Variants in SYN3 observed in about 807,000 individuals in gnomAD.
SYN3 encodes synapsin III.
In SYN3, 35 loss-of-function variants were observed where a neutral mutation model predicts 65.8. The observed-to-expected ratio is 0.53, with a 90% CI of 0.41 to 0.70. SYN3 has a LOEUF of 0.70. SYN3 is among the 30% of genes least tolerant of loss of function. The probability of loss-of-function intolerance (pLI) is 0.00; values close to 1 mark genes in which losing one functional copy is unlikely to be tolerated. For synonymous variants in SYN3, 270 were observed against 292.9 expected (o/e 0.92, Z 0.80); for missense variants, 680 against 749.0 (o/e 0.91, Z 1.08).
intron 6 of SYN3, among the ~76,000 whole-genome samples, chr22:32,767,115 C>A (rs546053952): frequency 2.0e-5 from 3 of 152,166 alleles, no homozygotes; most frequent in Non-Finnish European, 4.4e-5. Flanking sequence ...ATCCCTACTG[C>A]GCATCAGGGA....
At chr22:32,990,893 C>CA (rs1036898574) in intron 2 of SYN3, among the ~76,000 whole-genome samples, 1 of 150,598 alleles carries the variant, frequency 6.6e-6, no homozygotes, top group African/African-American at 2.4e-5. Context: ...ACTAAAAATG[C>CA]AAAAAAAATT....
chr22:32,821,527 A>G (rs1386343026), intron 6 of SYN3, among the ~76,000 whole-genome samples: 1 of 152,228 alleles, frequency 6.6e-6, no homozygotes, highest in Non-Finnish European at 1.5e-5. Flanking sequence ...TGGTTAACAG[A>G]CAGGGATGGA....
chr22:32,842,590 G>A (rs2047942065), intron 6 of SYN3, among the ~76,000 whole-genome samples: 1 of 152,124 alleles, frequency 6.6e-6, no homozygotes. Flanking sequence ...CAATATAACA[G>A]TGTATCATTT....
chr22:33,032,377 G>A (rs527629673), intron 1 of SYN3, among the ~76,000 whole-genome samples: 2 of 151,970 alleles, frequency 1.3e-5, no homozygotes, highest in East Asian at 1.9e-4. Context: ...GCCTGGTGGT[G>A]GGCACCTGTA....
intron 3 of SYN3, among the ~76,000 whole-genome samples, chr22:32,949,415 CAA>C (rs922670596): frequency 4.4e-5 from 6 of 137,208 alleles, no homozygotes; most frequent in Admixed American, 7.3e-5. Context: ...GACTCTATGT[CAA>C]AAAAAAAAAA....
chr22:33,045,459 C>CTTTT (rs745442160), intron 1 of SYN3, among the ~76,000 whole-genome samples: 20 of 84,696 alleles, frequency 2.4e-4, no homozygotes, highest in Non-Finnish European at 3.1e-4. Flanking sequence ...GCTCTACTTT[C>CTTTT]TTTTTTTTTT....
intron 6 of SYN3, among the ~76,000 whole-genome samples, chr22:32,639,006 T>C (rs1353129060): frequency 2.6e-5 from 4 of 152,116 alleles, no homozygotes; most frequent in Admixed American, 2.6e-4. Context: ...CAGGCTGGAG[T>C]GCAGTGGCGC....
intron 1 of SYN3, among the ~76,000 whole-genome samples, chr22:33,013,230 A>G (rs1212004555): frequency 6.6e-6 from 1 of 152,214 alleles, no homozygotes; most frequent in Non-Finnish European, 1.5e-5. Flanking sequence ...CTTCTCAGGT[A>G]ACTTCTGCCC....
chr22:32,918,783 C>A (rs929633203), intron 4 of SYN3, among the ~76,000 whole-genome samples: 2 of 152,202 alleles, frequency 1.3e-5, no homozygotes, highest in Non-Finnish European at 2.9e-5. Flanking sequence ...ACACCATGGA[C>A]ATGCTTTACA....
At chr22:32,802,803 A>G in intron 6 of SYN3, among the ~76,000 whole-genome samples, 1 of 152,212 alleles carries the variant, frequency 6.6e-6, no homozygotes, top group Non-Finnish European at 1.5e-5. Flanking sequence ...CTCACCACAT[A>G]GCTGTGAAAA....
chr22:32,624,637 G>A (rs2059640303), intron 6 of SYN3, among the ~76,000 whole-genome samples: 2 of 152,228 alleles, frequency 1.3e-5, no homozygotes, highest in South Asian at 4.1e-4. Flanking sequence ...CAGGATCGGA[G>A]TGGAGCTGTG....
intron 6 of SYN3, among the ~76,000 whole-genome samples, chr22:32,657,419 G>A (rs936419740): frequency 1.3e-5 from 2 of 150,312 alleles, no homozygotes; most frequent in South Asian, 4.2e-4. Flanking sequence ...CACCGCGCCC[G>A]GCCCGAGCCA....
chr22:32,688,176 C>T (rs1277036393), intron 6 of SYN3, among the ~76,000 whole-genome samples: 1 of 152,158 alleles, frequency 6.6e-6, no homozygotes, highest in African/African-American at 2.4e-5. Flanking sequence ...CCAGTGGTAC[C>T]TTCAACCCCA....
At chr22:32,878,774 G>C (rs543770278) in intron 4 of SYN3, among the ~76,000 whole-genome samples, 9 of 152,192 alleles carry the variant, frequency 5.9e-5, no homozygotes, top group African/African-American at 2.2e-4. Flanking sequence ...TTCTGTAGGA[G>C]GGCACAACCA....
intron 10 of SYN3, among the ~76,000 whole-genome samples, chr22:32,531,537 C>A (rs888288017): frequency 5.9e-5 from 9 of 152,192 alleles, no homozygotes; most frequent in Admixed American, 2.0e-4. Context: ...CAATGTCATT[C>A]CCCGGACAAG....
chr22:32,916,800 T>C (rs2050198618), intron 4 of SYN3, among the ~76,000 whole-genome samples: 1 of 152,216 alleles, frequency 6.6e-6, no homozygotes, highest in Admixed American at 6.5e-5. Flanking sequence ...AAGGTTTGAA[T>C]GTCAATAAAC....
At chr22:32,996,701 A>C (rs559038392) in intron 2 of SYN3, among the ~76,000 whole-genome samples, 1 of 152,254 alleles carries the variant, frequency 6.6e-6, no homozygotes, top group Non-Finnish European at 1.5e-5. Flanking sequence ...GTGCTTTAAA[A>C]AGAGGAAAAT....
rs533664970 is a variant in SYN3, at chr22:32,708,334, C to A, written c.712-111598G>T. Among the ~76,000 whole-genome samples the A allele has an allele frequency of 7.9e-5, 12 of 152,322 alleles. 1 individual carries two copies. In the South Asian group the frequency reaches 2.3e-3, roughly 29 times the overall value. ...TAATGGTTTTTAAATTATCTGCAGA[C>A]AATGCAGCCCCTTCTTGCCTGCACT... On this transcript the variant is annotated intron_variant, in intron 6 of 13. Coordinates refer to ENST00000358763, the MANE Select transcript of SYN3 (RefSeq NM_003490.4).
chr22:32,919,826 G>A (rs2050288552), intron 4 of SYN3, among the ~76,000 whole-genome samples: 1 of 152,150 alleles, frequency 6.6e-6, no homozygotes, highest in Non-Finnish European at 1.5e-5. Context: ...GGAGGATTTG[G>A]AAAAGCCACC....
Sources: gnomAD v4.1 joint callset for allele counts (sites outside exome capture counted in the v4.1 genomes callset) on GRCh38, gnomAD v4.1.1 for gene constraint, MANE v1.5 for transcripts, NCBI Gene and HGNC (gene_info 2026-07-23, HGNC 2026-07-21) for gene names.